Variants in DST observed in about 807,000 individuals in gnomAD.
DST encodes the protein bullous pemphigoid antigen.
A neutral mutation model predicts 875.2 loss-of-function variants in DST; 253 were observed. The ratio of observed to expected loss-of-function variants is 0.29; its 90% CI spans 0.26 to 0.32. DST has a LOEUF of 0.32. Among genes scored for constraint, DST ranks in the 10% least tolerant of loss-of-function variants. The pLI, the probability that DST is intolerant of heterozygous loss-of-function variation, is 1.00. For missense variants in DST, 8,287 were observed against 9,111.6 expected (o/e 0.91, Z 3.68); for synonymous variants, 3,124 against 3,197.1 (o/e 0.98, Z 0.77).
rs752117251 is a variant in DST at position 56,620,353 on chromosome 6, T to C, written c.4929+4177A>G. On this transcript the variant is annotated intron_variant, in intron 36 of 103. Coordinates refer to ENST00000680361, the MANE Select transcript of DST (RefSeq NM_001374736.1). ...GGAGGTTCTCTTCCACGGCAGCTCT[T>C]TTAGCCTCGGCCTCTATGGTGAGCT... is the stretch of plus-strand genomic sequence containing the variant. The C allele has an allele frequency of 5.0e-6, 8 of 1,614,192 alleles. No homozygotes were observed. In the South Asian group the frequency reaches 5.5e-5, roughly 11 times the overall value.
At chr6:56,910,626 A>C (rs1032758314) in intron 2 of DST, among the ~76,000 whole-genome samples, 1 of 152,124 alleles carries the variant, frequency 6.6e-6, no homozygotes, top group Non-Finnish European at 1.5e-5. Flanking sequence ...CTGGGATTAC[A>C]GGCATATACC....
intron 5 of DST, among the ~76,000 whole-genome samples, chr6:56,711,376 TG>T (rs2099362693): frequency 1.3e-5 from 2 of 152,194 alleles, no homozygotes; most frequent in Admixed American, 1.3e-4. Context: ...GTAACTTTTC[TG>T]TAACAGTCTG....
At position 56,459,040 on chromosome 6, in the gene DST, G is replaced by A; in HGVS notation, c.23422C>T (p.Pro7808Ser). Residue 7808 changes from proline (P) to serine (S), a missense_variant, in exon 104 of 104, where the codon CCT becomes TCT. By Grantham distance (74) the Pro-to-Ser change is moderately conservative. Transcript: ENST00000680361. ...SKIPTPQRKSPASKLDKSSKR is the reference protein window; with the variant it reads ...SKIPTPQRKSSASKLDKSSKR Reference sequence around the variant, plus strand: ...GAGGACTTGTCCAATTTGCTGGCAGGTGATTTCCTCTGGGGCGTGGGGATT... The same window carrying A: ...GAGGACTTGTCCAATTTGCTGGCAGATGATTTCCTCTGGGGCGTGGGGATT... The A allele has an allele frequency of 6.2e-7, 1 of 1,612,832 alleles. No homozygotes were observed. The highest frequency in any genetic ancestry group is 1.1e-5 in the South Asian group (1 of 91,000).
intron 36 of DST, chr6:56,615,415 C>A: frequency 6.3e-7 from 1 of 1,575,018 alleles, no homozygotes; most frequent in South Asian, 1.2e-5. Context: ...GAGTATGTTA[C>A]ATAATTCACA....
intron 49 of DST, among the ~76,000 whole-genome samples, chr6:56,580,882 G>A (rs1285537422): frequency 6.6e-6 from 1 of 150,858 alleles, no homozygotes; most frequent in Non-Finnish European, 1.5e-5. Context: ...ACAGGTGCAT[G>A]CCACCATGCC....
At chr6:56,550,820 A>C (rs2097309246) in intron 61 of DST, among the ~76,000 whole-genome samples, 1 of 152,168 alleles carries the variant, frequency 6.6e-6, no homozygotes, top group Non-Finnish European at 1.5e-5. Flanking sequence ...TTCTAGAGAG[A>C]ATTCCAAACT....
At chr6:56,751,728 G>C (rs561279731) in intron 4 of DST, among the ~76,000 whole-genome samples, 1 of 152,160 alleles carries the variant, frequency 6.6e-6, no homozygotes, top group South Asian at 2.1e-4. Context: ...GTATAACTAC[G>C]AAATTAAACT....
intron 82 of DST, among the ~76,000 whole-genome samples, chr6:56,496,548 A>G (rs1445266470): frequency 6.6e-6 from 1 of 152,128 alleles, no homozygotes; most frequent in Non-Finnish European, 1.5e-5. Context: ...CATGCTTATA[A>G]CAATAATTTT....
chr6:56,532,016 A>G (rs112823329), intron 64 of DST, among the ~76,000 whole-genome samples: 8,531 of 152,242 alleles, frequency 0.056, 310 homozygotes, highest in East Asian at 0.14. Context: ...CTATCTGATG[A>G]CAGAGATGAT....
chr6:56,885,449 G>T (rs538097152), intron 3 of DST, among the ~76,000 whole-genome samples: 1 of 151,926 alleles, frequency 6.6e-6, no homozygotes, highest in South Asian at 2.1e-4. Context: ...AGTGCACAAG[G>T]GTATATAAAC....
Position 56,586,274 on chromosome 6 carries a change from G to A in DST, c.12903+5908C>T, listed in dbSNP as rs1398636129. 2.6e-5 allele frequency among the ~76,000 whole-genome samples: 4 copies of A among 151,370 alleles called. No individual in the cohort carries two copies. In the East Asian group the frequency reaches 7.8e-4, roughly 29 times the overall value. ...CTCAGGACTTGCTTTATGAATCTGG[G>A]TGCTCCTGTATTGGGTGCATATATA... On this transcript the variant is annotated intron_variant, in intron 49 of 103. Coordinates refer to ENST00000680361, the MANE Select transcript of DST (RefSeq NM_001374736.1).
chr6:56,701,812 AT>A (rs2099309177), intron 8 of DST, 75 bp downstream of exon 8: 4 of 905,768 alleles, frequency 4.4e-6, no homozygotes, highest in Non-Finnish European at 5.2e-6. Context: ...TAACCTTGTC[AT>A]TCCTTGACAT....
In DST at chr6:56,603,599, A is replaced by C; in HGVS notation, c.10906T>G (p.Leu3636Val). The change falls in exon 41 of 104, where the codon TTG (leucine) becomes GTG (valine). Residue 3636 changes from leucine (L) to valine (V), a missense_variant. Coordinates refer to ENST00000680361, the MANE Select transcript of DST (RefSeq NM_001374736.1). ...CTAAGTTGATTCTTCAAAGCTTCCA[A>C]GTTGTTATCCAGAGATTCCTGGTTG... ...LDNQESLDNN[L>V]EALKNQLRQL... 1 of 1,610,238 alleles carries C rather than the reference A, an allele frequency of 6.2e-7. No individual in the cohort carries two copies. The highest frequency in any genetic ancestry group is 8.5e-7 in the Non-Finnish European group (1 of 1,178,712).
Position 56,772,821 on chromosome 6 carries a change from C to T in DST, c.626-37532G>A, listed in dbSNP as rs188249236. Among the ~76,000 whole-genome samples, 116 of 152,306 alleles carry T rather than the reference C, an allele frequency of 7.6e-4. 3 individuals carry two copies. The highest frequency in any genetic ancestry group is 6.0e-3 in the Admixed American group (92 of 15,296). ...AATCCCCACCTCTGTTATGCACATCCTTACACAGTCTCCTCTCACAGTGCA... is the reference window on the plus strand; with the variant it reads ...AATCCCCACCTCTGTTATGCACATCTTTACACAGTCTCCTCTCACAGTGCA... On this transcript the variant is annotated intron_variant, in intron 4 of 103. Transcript: ENST00000680361.
chr6:56,646,781 A>G (rs1428100801), intron 13 of DST, among the ~76,000 whole-genome samples: 2 of 152,192 alleles, frequency 1.3e-5, no homozygotes, highest in Non-Finnish European at 2.9e-5. Flanking sequence ...TCTAGTTTGT[A>G]TACATTAATT....
intron 5 of DST, among the ~76,000 whole-genome samples, chr6:56,731,574 T>C (rs1467605624): frequency 6.6e-6 from 1 of 152,234 alleles, no homozygotes; most frequent in East Asian, 1.9e-4. Flanking sequence ...GTTTTACCTC[T>C]TCCTACTCAG....
intron 2 of DST, among the ~76,000 whole-genome samples, chr6:56,901,595 A>G (rs1794122432): frequency 6.6e-6 from 1 of 152,106 alleles, no homozygotes; most frequent in Non-Finnish European, 1.5e-5. Flanking sequence ...ACTCCATCTA[A>G]AAAATAAAAT....
In DST at chr6:56,601,660, A is replaced by C. The variant is rs1360229365; in HGVS notation, c.11324T>G (p.Leu3775Arg). 6.3e-7 allele frequency: 1 copy of C among 1,580,600 alleles called. No individual in the cohort carries two copies. Among genetic ancestry groups the C allele is most frequent in the Non-Finnish European group, 8.6e-7 (1 of 1,161,806 alleles). ...LEFLKNVLKD[L>R]GHTKMQLETT... ...CTCCAGCTGCATTTTGGTATGTCCA[A>C]GGTCTTTTAATACATTCTGTTAAAA... is the stretch of plus-strand genomic sequence containing the variant. Residue 3775 changes from leucine (L) to arginine (R), a missense_variant, in exon 44 of 104, where the codon CTT (leucine) becomes CGT (arginine). Around this residue, in one of 10 missense-constraint regions of DST, gnomAD observed 3,138 missense variants for 3,116.6 expected, o/e 1.01. Coordinates refer to ENST00000680361, the MANE Select transcript of DST (RefSeq NM_001374736.1).
intron 49 of DST, among the ~76,000 whole-genome samples, chr6:56,584,865 T>A (rs1462217129): frequency 3.3e-5 from 5 of 152,196 alleles, no homozygotes; most frequent in African/African-American, 4.8e-5. Context: ...GTGGTTTTTG[T>A]CTTTGGTTCT....
Sources: allele counts gnomAD v4.1 joint callset (sites outside exome capture counted in the v4.1 genomes callset), GRCh38; gene constraint gnomAD v4.1.1; regional missense constraint gnomAD v4.1.1; transcripts MANE v1.5; gene names NCBI Gene and HGNC (gene_info 2026-07-23, HGNC 2026-07-21).